The following ENOX1 variants were observed in gnomAD, a reference collection of about 807,000 sequenced individuals.
ENOX1 encodes candidate growth-related and time keeping constitutive hydroquinone (NADH) oxidase.
ENOX1 carries 42 observed loss-of-function variants against 82.5 expected under a neutral mutation model. The observed-to-expected ratio is 0.51, with a 90% CI of 0.40 to 0.66. ENOX1 has a LOEUF of 0.66. ENOX1 is among the 30% of genes least tolerant of loss of function. The pLI is 0.00. For missense variants in ENOX1, 608 were observed against 811.6 expected (o/e 0.75, Z 3.05); for synonymous variants, 271 against 282.2 (o/e 0.96, Z 0.40).
intron 3 of ENOX1, among the ~76,000 whole-genome samples, chr13:43,466,457 C>T (rs2057723676): frequency 6.6e-6 from 1 of 152,092 alleles, no homozygotes. Context: ...TCAGCATTTA[C>T]TCCTCAAATG....
At chr13:43,668,964 T>A (rs1184369119) in intron 1 of ENOX1, among the ~76,000 whole-genome samples, 1 of 152,250 alleles carries the variant, frequency 6.6e-6, no homozygotes, top group East Asian at 1.9e-4. Context: ...TTAATATTTG[T>A]ATGCATGAGC....
chr13:43,773,261 G>A (rs1951743321), intron 1 of ENOX1, among the ~76,000 whole-genome samples: 2 of 152,226 alleles, frequency 1.3e-5, no homozygotes, highest in Admixed American at 1.3e-4. Flanking sequence ...TTTCCTTTTG[G>A]TGGCTGCACA....
chr13:43,359,994 A>C lies in ENOX1; in HGVS notation c.446T>G (p.Leu149Ter). The change falls in exon 7 of 17, where the codon TTA (leucine) becomes TGA (stop). Residue 149 changes from leucine (L) to a stop codon, truncating the protein, a stop_gained. Coordinates refer to ENST00000690772, the MANE Select transcript of ENOX1 (RefSeq NM_001347969.2). LOFTEE classifies it high-confidence loss of function. ...PGCKTVFVGGLPENATEEIIQ... is the reference protein window; with the variant it reads ...PGCKTVFVGG ...AATTTCCTCAGTAGCATTTTCTGGT[A>C]ATCCTCCGACAAACACGGTCTTACA... is the stretch of plus-strand genomic sequence containing the variant. 1 of 1,614,224 alleles carries C rather than the reference A, an allele frequency of 6.2e-7. No homozygotes were observed. The highest frequency in any genetic ancestry group is 8.5e-7 in the Non-Finnish European group (1 of 1,180,022).
intron 9 of ENOX1, among the ~76,000 whole-genome samples, chr13:43,339,560 G>T (rs930057653): frequency 1.3e-5 from 2 of 152,188 alleles, no homozygotes; most frequent in South Asian, 4.1e-4. Context: ...CCACTAGTTA[G>T]CCAGTTTGCC....
chr13:43,527,346 A>G (rs566593166), intron 2 of ENOX1, among the ~76,000 whole-genome samples: 31 of 152,266 alleles, frequency 2.0e-4, no homozygotes, highest in African/African-American at 7.0e-4. Flanking sequence ...TGTCACAACA[A>G]CTACATAGGC....
intron 2 of ENOX1, among the ~76,000 whole-genome samples, chr13:43,638,533 C>A (rs530331016): frequency 1.4e-4 from 22 of 152,220 alleles, no homozygotes; most frequent in African/African-American, 5.3e-4. Context: ...TTCTTGCCAG[C>A]AAACCAAAAA....
At chr13:43,627,357 G>A (rs957966232) in intron 2 of ENOX1, among the ~76,000 whole-genome samples, 10 of 151,846 alleles carry the variant, frequency 6.6e-5, no homozygotes, top group African/African-American at 2.4e-4. Context: ...TGTGTTCCAA[G>A]TAAGTTAATC....
At chr13:43,725,294 C>A (rs771539000) in intron 1 of ENOX1, among the ~76,000 whole-genome samples, 1 of 152,100 alleles carries the variant, frequency 6.6e-6, no homozygotes, top group African/African-American at 2.4e-5. Context: ...GAGCCAAATG[C>A]AATGACTACA....
chr13:43,766,410 T>C (rs1312026811), intron 1 of ENOX1, among the ~76,000 whole-genome samples: 1 of 152,204 alleles, frequency 6.6e-6, no homozygotes, highest in Non-Finnish European at 1.5e-5. Context: ...ATTATCTTAT[T>C]TGATTAAGGC....
intron 3 of ENOX1, among the ~76,000 whole-genome samples, chr13:43,477,697 T>C (rs1002991949): frequency 3.3e-5 from 5 of 152,168 alleles, no homozygotes; most frequent in African/African-American, 4.8e-5. Flanking sequence ...CACTATTTAT[T>C]TGAGTTACTC....
chr13:43,565,606 G>C (rs1380868037), intron 2 of ENOX1, among the ~76,000 whole-genome samples: 3 of 152,144 alleles, frequency 2.0e-5, no homozygotes, highest in Non-Finnish European at 4.4e-5. Context: ...TAGAAAGTAG[G>C]GGATTTCAAT....
chr13:43,287,506 C>T (rs2045765247), intron 12 of ENOX1, among the ~76,000 whole-genome samples: 1 of 152,204 alleles, frequency 6.6e-6, no homozygotes, highest in African/African-American at 2.4e-5. Context: ...GAGGTCCAGA[C>T]ATCCTGAGTT....
intron 1 of ENOX1, among the ~76,000 whole-genome samples, chr13:43,672,220 T>C (rs1207861197): frequency 6.6e-6 from 1 of 152,182 alleles, no homozygotes; most frequent in Non-Finnish European, 1.5e-5. Flanking sequence ...GAAAAAAATG[T>C]AGACACTTCT....
intron 5 of ENOX1, among the ~76,000 whole-genome samples, chr13:43,392,325 A>G (rs968401729): frequency 6.6e-6 from 1 of 152,246 alleles, no homozygotes; most frequent in African/African-American, 2.4e-5. Context: ...AGGTATTCAC[A>G]ATAAAACATG....
rs547867054 is a variant in ENOX1, at chr13:43,664,239, T to G, written c.-219+3240A>C. Among the ~76,000 whole-genome samples, 7 of 152,318 alleles carry G rather than the reference T, an allele frequency of 4.6e-5. No individual in the cohort carries two copies. The South Asian group carries it at 1.5e-3, about 32-fold the overall frequency. ...AGAGTTTAACAAGTTAGCAAATTAT[T>G]ATCAAGTCCATGAGAATCTTATAGC... On this transcript the variant is annotated intron_variant, in intron 2 of 16. Coordinates refer to ENST00000690772, the MANE Select transcript of ENOX1 (RefSeq NM_001347969.2).
chr13:43,343,754 T>C (rs1316644874), intron 9 of ENOX1, among the ~76,000 whole-genome samples: 1 of 152,170 alleles, frequency 6.6e-6, no homozygotes, highest in Non-Finnish European at 1.5e-5. Flanking sequence ...GAGCATGGCA[T>C]TGTTACAGTG....
At chr13:43,405,827 C>T (rs1334208669) in intron 5 of ENOX1, among the ~76,000 whole-genome samples, 1 of 152,224 alleles carries the variant, frequency 6.6e-6, no homozygotes, top group Non-Finnish European at 1.5e-5. Context: ...TACAAACATG[C>T]TCTGTAAAAA....
chr13:43,312,434 A>G (rs149078791), intron 11 of ENOX1, among the ~76,000 whole-genome samples: 8 of 152,298 alleles, frequency 5.3e-5, no homozygotes, highest in Admixed American at 2.0e-4. Flanking sequence ...CAAAGAAAAC[A>G]TGGGATGAGA....
chr13:43,683,291 A>T (rs941546652), intron 1 of ENOX1, among the ~76,000 whole-genome samples: 2 of 152,094 alleles, frequency 1.3e-5, no homozygotes, highest in African/African-American at 4.8e-5. Flanking sequence ...TCCCATGACA[A>T]GAGAGGTAGG....
Sources: allele counts gnomAD v4.1 joint callset (sites outside exome capture counted in the v4.1 genomes callset), GRCh38; gene constraint gnomAD v4.1.1; transcripts MANE v1.5; gene names NCBI Gene and HGNC (gene_info 2026-07-23, HGNC 2026-07-21).